Variants in PKHD1L1 observed in about 807,000 individuals in gnomAD.
The protein encoded by PKHD1L1 is fibrocystin-L.
Under a neutral mutation model 462.9 loss-of-function variants are expected in PKHD1L1, and 434 were observed. The ratio of observed to expected loss-of-function variants is 0.94; its 90% CI spans 0.87 to 1.02. The LOEUF is 1.02. Among genes scored for constraint, PKHD1L1 ranks in the 50% least tolerant of loss-of-function variants. The pLI is 0.00. For synonymous variants in PKHD1L1, 1,781 were observed against 1,750.0 expected (o/e 1.02, Z -0.44); for missense variants, 5,202 against 5,096.1 (o/e 1.02, Z -0.63).
rs765750015 is a variant in PKHD1L1, at chr8:109,464,981, G to T, written c.8149G>T (p.Gly2717Ter). ...AATAGTCGGCCATCTTGATGAACTGGGAATGGGGTCTGCATTTTGCACAGC... is the reference window on the plus strand; with the variant it reads ...AATAGTCGGCCATCTTGATGAACTGTGAATGGGGTCTGCATTTTGCACAGC... ...AKIVGHLDELGMGSAFCTAKG... is the reference protein window; with the variant it reads ...AKIVGHLDEL Residue 2717 changes from glycine (G) to a stop codon, truncating the protein, a stop_gained, in exon 49 of 78, where the codon GGA becomes TGA. Coordinates refer to ENST00000378402, the MANE Select transcript of PKHD1L1 (RefSeq NM_177531.6). LOFTEE classifies it high-confidence loss of function. 5 of 1,613,718 alleles carry T rather than the reference G, an allele frequency of 3.1e-6. No homozygotes were observed. The highest frequency in any genetic ancestry group is 4.2e-6 in the Non-Finnish European group (5 of 1,179,798).
At chr8:109,439,464 G>A (rs1815646833) in intron 32 of PKHD1L1, among the ~76,000 whole-genome samples, 1 of 152,118 alleles carries the variant, frequency 6.6e-6, no homozygotes, top group East Asian at 1.9e-4. Context: ...TTCTTGGAGA[G>A]AGAGATTTCA....
At chr8:109,509,966 GAA>G (rs1563624168) in intron 70 of PKHD1L1, among the ~76,000 whole-genome samples, 1 of 152,032 alleles carries the variant, frequency 6.6e-6, no homozygotes, top group Non-Finnish European at 1.5e-5. Flanking sequence ...GTGAAATAGA[GAA>G]GTTTGTTATA....
In PKHD1L1 at chr8:109,433,340, G is replaced by A. The variant is rs1810174222; in HGVS notation, c.3340+124G>A. 6 of 856,244 alleles carry A rather than the reference G, an allele frequency of 7.0e-6. No individual in the cohort carries two copies. The Admixed American group carries it at 1.4e-4, about 20-fold the overall frequency. The allele number at this position is 856,244 out of a possible 1,614,324, so 53.0% of individuals were successfully genotyped here. A position where few individuals can be genotyped will look rare whatever the true frequency, so the allele number is the denominator to read the frequency against. ...CATGATCCAGTATTACAATTATCAT[G>A]ATCCCTATGGGGTCATGAAATTGGC... On this transcript the variant is annotated intron_variant, in intron 28 of 77. Coordinates refer to ENST00000378402, the MANE Select transcript of PKHD1L1 (RefSeq NM_177531.6).
At position 109,368,151 on chromosome 8, in the gene PKHD1L1, A is replaced by G. The variant is rs554898784; in HGVS notation, c.163+3515A>G. ...TTCTCAATTGTTTTCTTTGATATTT[A>G]TCATGTTGGTTTTTATTTTAAAAAA... is the stretch of plus-strand genomic sequence containing the variant. On this transcript the variant is annotated intron_variant, in intron 2 of 77. Coordinates refer to ENST00000378402, the MANE Select transcript of PKHD1L1 (RefSeq NM_177531.6). Among the ~76,000 whole-genome samples, 13 of 152,278 alleles carry G rather than the reference A, an allele frequency of 8.5e-5. No homozygotes were observed. The East Asian group carries it at 9.6e-4, about 11-fold the overall frequency.
chr8:109,482,525 T>A (rs1368440121), intron 56 of PKHD1L1, among the ~76,000 whole-genome samples: 4 of 151,804 alleles, frequency 2.6e-5, no homozygotes, highest in African/African-American at 9.7e-5. Flanking sequence ...GGTGATAGTA[T>A]TGTTCCTTTC....
chr8:109,432,344 C>T (rs2130701077), intron 27 of PKHD1L1, among the ~76,000 whole-genome samples: 1 of 152,040 alleles, frequency 6.6e-6, no homozygotes, highest in Admixed American at 6.5e-5. Flanking sequence ...TTGAGAAATC[C>T]ATTTCTACCT....
At chr8:109,401,686 ATAT>A in intron 14 of PKHD1L1, 98 bp downstream of exon 14, 1 of 573,528 alleles carries the variant, frequency 1.7e-6, no homozygotes, top group Non-Finnish European at 2.9e-6. Context: ...GGTGGAAGTG[ATAT>A]TAGTTTATTG....
rs1432205747 is a variant in PKHD1L1 at position 109,456,317 on chromosome 8, A to G, written c.6930A>G (p.Glu2310=). ...TRLAHTAKAG[E]RILILQEAVT... ...TGGCTCATACTGCAAAGGCAGGGGA[A>G]AGAATTTTAATTTTACAAGAAGCAG... is the stretch of plus-strand genomic sequence containing the variant. The change falls in exon 46 of 78, where the codon GAA becomes GAG. Residue 2310 remains glutamate, a synonymous_variant. Transcript: ENST00000378402. 1 of 1,612,476 alleles carries G rather than the reference A, an allele frequency of 6.2e-7. No individual in the cohort carries two copies. Among genetic ancestry groups the G allele is most frequent in the East Asian group, 2.2e-5 (1 of 44,830 alleles).
At position 109,413,434 on chromosome 8, in the gene PKHD1L1, AC is replaced by A. The variant is rs1288642879; in HGVS notation, c.2250del (p.Tyr750Ter). On this transcript the variant is annotated frameshift_variant, in exon 21 of 78. Coordinates refer to ENST00000378402, the MANE Select transcript of PKHD1L1 (RefSeq NM_177531.6). LOFTEE classifies it high-confidence loss of function. ...ATTTTTATGTAGTTATGTTTAGCAT[AC>A]AAAGGATTCCTGGCAAATTATATTG... The part of the protein sequence containing the change: ...LFPYNQLCLA[Y>X]KGFLANYIGL... The A allele has an allele frequency of 2.6e-6, 4 of 1,547,888 alleles. No homozygotes were observed. The highest frequency in any genetic ancestry group is 2.6e-6 in the Non-Finnish European group (3 of 1,136,414).
intron 45 of PKHD1L1, 45 bp downstream of exon 45, chr8:109,454,897 C>G: frequency 6.4e-7 from 1 of 1,560,224 alleles, no homozygotes. Flanking sequence ...GGAAGACTCA[C>G]CAGGACACCA....
intron 35 of PKHD1L1, 86 bp downstream of exon 35, chr8:109,442,281 T>C: frequency 4.8e-6 from 6 of 1,253,966 alleles, no homozygotes; most frequent in Non-Finnish European, 6.5e-6. Flanking sequence ...TAATACAGTA[T>C]TTTTACATAA....
In PKHD1L1 at chr8:109,526,779, T is replaced by C. The variant is rs1820837034; in HGVS notation, c.12485-5T>C. On this transcript the variant is annotated splice_region_variant and splice_polypyrimidine_tract_variant and intron_variant, in intron 76 of 77. Transcript: ENST00000378402. ...ATCAAACACTATGATGCTTTTTTTTTCCAGGAAAAAATTATAAGATTGAAT... is the reference window on the plus strand; with the variant it reads ...ATCAAACACTATGATGCTTTTTTTTCCCAGGAAAAAATTATAAGATTGAAT... 6.5e-7 allele frequency: 1 copy of C among 1,544,914 alleles called. No individual in the cohort carries two copies. The highest frequency in any genetic ancestry group is 8.8e-7 in the Non-Finnish European group (1 of 1,142,668).
At chr8:109,519,628 C>G (rs1466195176) in intron 73 of PKHD1L1, among the ~76,000 whole-genome samples, 1 of 152,110 alleles carries the variant, frequency 6.6e-6, no homozygotes, top group Non-Finnish European at 1.5e-5. Flanking sequence ...AGGCAGGTAT[C>G]TGTCAGAGGA....
chr8:109,400,815 T>C (rs1813234324), intron 13 of PKHD1L1, among the ~76,000 whole-genome samples: 1 of 152,158 alleles, frequency 6.6e-6, no homozygotes, highest in African/African-American at 2.4e-5. Context: ...AATAATACTC[T>C]ATTGAACATC....
At chr8:109,506,848 G>A (rs934710614) in intron 68 of PKHD1L1, among the ~76,000 whole-genome samples, 2 of 152,032 alleles carry the variant, frequency 1.3e-5, no homozygotes, top group East Asian at 1.9e-4. Flanking sequence ...TATATATCAC[G>A]GTATTCTATG....
chr8:109,403,253 G>T (rs1158467935), intron 14 of PKHD1L1, among the ~76,000 whole-genome samples: 1 of 152,124 alleles, frequency 6.6e-6, no homozygotes. Flanking sequence ...GGCTCTTCAA[G>T]TCTTTCCAAA....
chr8:109,469,877 A>G (rs1477220410), intron 50 of PKHD1L1, among the ~76,000 whole-genome samples: 1 of 152,190 alleles, frequency 6.6e-6, no homozygotes, highest in Non-Finnish European at 1.5e-5. Flanking sequence ...AAAAACTGAA[A>G]CAAAAGTAAC....
chr8:109,451,154 T>C lies in PKHD1L1; in HGVS notation c.6350+5T>C. 1 of 1,597,498 alleles carries C rather than the reference T, an allele frequency of 6.3e-7. No individual in the cohort carries two copies. Among genetic ancestry groups the C allele is most frequent in the Non-Finnish European group, 8.5e-7 (1 of 1,169,682 alleles). Reference sequence around the variant, plus strand: ...AGTCGTGGGATCAGGATTCAGGTACTGTCTCCACACAAACACGCATCATTG... The same window carrying C: ...AGTCGTGGGATCAGGATTCAGGTACCGTCTCCACACAAACACGCATCATTG... On this transcript the variant is annotated splice_donor_5th_base_variant and intron_variant, in intron 41 of 77. Transcript: ENST00000378402.
At position 109,400,293 on chromosome 8, in the gene PKHD1L1, T is replaced by C; in HGVS notation, c.1230T>C (p.Gly410=). ...ATGTTTATAGATTCTACATCAAGGG[T>C]GATGACCGTTATGCTATTTATTTTA... ...DSDVYRFYIK[G]DDRYAIYFSQ... Residue 410 remains glycine, a synonymous_variant, in exon 13 of 78, where the codon GGT becomes GGC. Transcript: ENST00000378402. 1 of 1,613,522 alleles carries C rather than the reference T, an allele frequency of 6.2e-7. No individual in the cohort carries two copies. The highest frequency in any genetic ancestry group is 8.5e-7 in the Non-Finnish European group (1 of 1,179,564).
Sources: gnomAD v4.1 joint callset for allele counts (sites outside exome capture counted in the v4.1 genomes callset) on GRCh38, gnomAD v4.1.1 for gene constraint, MANE v1.5 for transcripts, NCBI Gene and HGNC (gene_info 2026-07-23, HGNC 2026-07-21) for gene names.